SLC20A2: variants seen among roughly 807,000 people sequenced by gnomAD.
SLC20A2 encodes sodium-dependent phosphate transporter 2.
SLC20A2 carries 30 observed loss-of-function variants against 61.0 expected under a neutral mutation model. The observed-to-expected ratio is 0.49, with a 90% CI of 0.37 to 0.67. SLC20A2 has a LOEUF of 0.67. Among genes scored for constraint, SLC20A2 ranks in the 30% least tolerant of loss-of-function variants. SLC20A2 has a pLI of 0.00. For synonymous variants in SLC20A2, 351 were observed against 353.3 expected (o/e 0.99, Z 0.07); for missense variants, 626 against 866.4 (o/e 0.72, Z 3.48).
intron 7 of SLC20A2, among the ~76,000 whole-genome samples, chr8:42,438,050 T>TAAAA (rs1257674048): frequency 6.3e-5 from 1 of 15,956 alleles, no homozygotes; most frequent in Non-Finnish European, 1.5e-4. Flanking sequence ...TGGTTACCAC[T>TAAAA]AAAAAAAAAA....
At chr8:42,463,155 A>G in intron 3 of SLC20A2, 65 bp from the exon 4 acceptor site, 1 of 912,492 alleles carries the variant, frequency 1.1e-6, no homozygotes, top group South Asian at 1.6e-5. Context: ...TCCTATTCAT[A>G]GAACACAATG....
chr8:42,531,926 C>A (rs2131437149), intron 1 of SLC20A2, among the ~76,000 whole-genome samples: 1 of 151,330 alleles, frequency 6.6e-6, no homozygotes, highest in East Asian at 2.0e-4. Flanking sequence ...TCAAGAAATT[C>A]TCCTGCCCCA....
At chr8:42,518,231 C>T (rs1238922978) in intron 1 of SLC20A2, among the ~76,000 whole-genome samples, 1 of 152,132 alleles carries the variant, frequency 6.6e-6, no homozygotes, top group Admixed American at 6.6e-5. Flanking sequence ...TGAGCCACCA[C>T]GCCCAGACAA....
chr8:42,503,453 C>A (rs1810444876), upstream of SLC20A2, among the ~76,000 whole-genome samples: 1 of 152,020 alleles, frequency 6.6e-6, no homozygotes, highest in African/African-American at 2.4e-5. Context: ...AATGAATGAA[C>A]CCAGATACCA....
intron 4 of SLC20A2, 76 bp downstream of exon 4, chr8:42,462,929 C>T (rs2131174707): frequency 1.3e-6 from 1 of 784,416 alleles, no homozygotes; most frequent in East Asian, 2.6e-5. Flanking sequence ...CCTCTAACCC[C>T]TCTCATTATT....
Position 42,472,048 on chromosome 8 carries a change from G to T in SLC20A2, c.289+54C>A. 6.5e-7 allele frequency: 1 copy of T among 1,533,418 alleles called. No individual in the cohort carries two copies. Among genetic ancestry groups the T allele is most frequent in the Non-Finnish European group, 9.0e-7 (1 of 1,114,364 alleles). 95.0% of individuals were successfully genotyped at this position (1,533,418 alleles called of 1,614,324 possible). ...TTATGGATATGGGCAAAGTACTGCA[G>T]GGAAGCGGGTCAGTGGGCGGATGTC... On this transcript the variant is annotated intron_variant, in intron 2 of 10. Coordinates refer to ENST00000520262, the MANE Select transcript of SLC20A2 (RefSeq NM_001257180.2). This position sits in a 1 kb window ranked among gnomAD's most constrained non-coding sequence, Gnocchi z 4.1.
intron 1 of SLC20A2, among the ~76,000 whole-genome samples, chr8:42,533,367 G>A (rs1411673220): frequency 6.6e-6 from 1 of 152,102 alleles, no homozygotes. Context: ...TGTAATCCCA[G>A]CACTTTGGGA....
At chr8:42,446,722 A>G (rs1158725160) in intron 5 of SLC20A2, among the ~76,000 whole-genome samples, 3 of 152,198 alleles carry the variant, frequency 2.0e-5, no homozygotes, top group Non-Finnish European at 2.9e-5. Context: ...GGGAAGATAC[A>G]GTGGTTTCCA....
intron 5 of SLC20A2, among the ~76,000 whole-genome samples, chr8:42,448,044 T>C (rs1805366551): frequency 6.6e-6 from 1 of 152,234 alleles, no homozygotes; most frequent in African/African-American, 2.4e-5. Flanking sequence ...CACCTTCATG[T>C]AGGGGTTCAT....
Position 42,417,836 on chromosome 8 carries a change from A to G in SLC20A2, c.1926T>C (p.Ala642=). The change falls in exon 11 of 11, where the codon GCT becomes GCC. Residue 642 remains alanine, a synonymous_variant. Coordinates refer to ENST00000520262, the MANE Select transcript of SLC20A2 (RefSeq NM_001257180.2). ...VAGLFSAAVM[A]LLMYGILPYV Reference sequence around the variant, plus strand: ...ATGGAAGGATCCCATACATGAGAAGAGCCATGACAGCAGCGCTGAACAGCC... The same window carrying G: ...ATGGAAGGATCCCATACATGAGAAGGGCCATGACAGCAGCGCTGAACAGCC... 5 of 1,614,160 alleles carry G rather than the reference A, an allele frequency of 3.1e-6. No homozygotes were observed. Among genetic ancestry groups the G allele is most frequent in the Non-Finnish European group, 4.2e-6 (5 of 1,180,010 alleles).
intron 1 of SLC20A2, among the ~76,000 whole-genome samples, chr8:42,537,012 C>G (rs577010072): frequency 6.6e-6 from 1 of 151,504 alleles, no homozygotes; most frequent in East Asian, 1.9e-4. Context: ...GAGGCAGGGG[C>G]TGCAGTGAGG....
intron 1 of SLC20A2, among the ~76,000 whole-genome samples, chr8:42,528,816 G>A (rs1195922152): frequency 3.3e-5 from 5 of 151,692 alleles, no homozygotes; most frequent in Admixed American, 6.6e-5. Flanking sequence ...ATAGGCATGC[G>A]CCACCATGCC....
chr8:42,465,018 C>CA (rs1047837293), intron 3 of SLC20A2, among the ~76,000 whole-genome samples: 2 of 151,924 alleles, frequency 1.3e-5, no homozygotes, highest in East Asian at 3.9e-4. Context: ...CAAAACAAAA[C>CA]AAAAAACAGG....
chr8:42,520,031 T>A (rs1811549649), intron 1 of SLC20A2, among the ~76,000 whole-genome samples: 2 of 148,298 alleles, frequency 1.3e-5, no homozygotes, highest in Admixed American at 6.7e-5. Context: ...TTTTTTTTTT[T>A]AAGACAGAGC....
chr8:42,534,448 A>G (rs1812582109), intron 1 of SLC20A2, among the ~76,000 whole-genome samples: 1 of 152,242 alleles, frequency 6.6e-6, no homozygotes, highest in Non-Finnish European at 1.5e-5. Flanking sequence ...AATAGAACAT[A>G]GAGATTACCC....
chr8:42,507,364 G>A (rs1199616806), intron 1 of SLC20A2, among the ~76,000 whole-genome samples: 1 of 149,390 alleles, frequency 6.7e-6, no homozygotes, highest in Non-Finnish European at 1.5e-5. Context: ...GAAGAAACTG[G>A]TATCCTCTTC....
intron 5 of SLC20A2, among the ~76,000 whole-genome samples, chr8:42,449,839 C>T (rs1353425129): frequency 6.6e-6 from 1 of 152,164 alleles, no homozygotes. Context: ...GCACAGACAC[C>T]ATGTCGAACA....
intron 1 of SLC20A2, among the ~76,000 whole-genome samples, chr8:42,525,852 C>T (rs1811899405): frequency 6.6e-6 from 1 of 152,116 alleles, no homozygotes; most frequent in African/African-American, 2.4e-5. Context: ...ACTGAAATAG[C>T]TCCCAACGAC....
chr8:42,468,438 G>A (rs1807360607), intron 2 of SLC20A2, among the ~76,000 whole-genome samples: 1 of 152,198 alleles, frequency 6.6e-6, no homozygotes, highest in African/African-American at 2.4e-5. Context: ...ACAGGGGACA[G>A]CTGAGGGAGG....
Sources: allele counts gnomAD v4.1 joint callset (sites outside exome capture counted in the v4.1 genomes callset), GRCh38; gene constraint gnomAD v4.1.1; non-coding constraint Gnocchi (gnomAD v3.1); transcripts MANE v1.5; gene names NCBI Gene and HGNC (gene_info 2026-07-23, HGNC 2026-07-21).